The following ATRNL1 variants were observed in gnomAD, a reference collection of about 807,000 sequenced individuals.
The protein encoded by ATRNL1 is attractin like 1, also known as attractin-like protein 1.
ATRNL1 carries 95 observed loss-of-function variants against 182.7 expected under a neutral mutation model. That is an observed-to-expected ratio of 0.52 (90% CI 0.44 to 0.62). The LOEUF (loss-of-function observed/expected upper bound fraction) is 0.62, where lower values mean the gene tolerates loss of function less well. Among genes scored for constraint, ATRNL1 ranks in the 20% least tolerant of loss-of-function variants. ATRNL1 has a pLI of 0.00. For missense variants in ATRNL1, 1,471 were observed against 1,679.5 expected, an observed-to-expected ratio of 0.88 and a Z score of 2.17; for synonymous variants, 576 against 568.3, an observed-to-expected ratio of 1.01 and a Z score of -0.19.
intron 26 of ATRNL1, among the ~76,000 whole-genome samples, chr10:115,685,929 T>G (rs1474283223): frequency 1.3e-5 from 2 of 151,718 alleles, no homozygotes; most frequent in Non-Finnish European, 3.0e-5. Context: ...AATAGTTCTA[T>G]TTCAAATAAA....
intron 27 of ATRNL1, among the ~76,000 whole-genome samples, chr10:115,817,393 C>A (rs1950189502): frequency 6.6e-6 from 1 of 152,012 alleles, no homozygotes; most frequent in East Asian, 1.9e-4. Flanking sequence ...AGTTCTAGCA[C>A]CTGAAAGACC....
At chr10:115,183,524 ATT>A (rs1225432866) in intron 8 of ATRNL1, among the ~76,000 whole-genome samples, 2 of 151,626 alleles carry the variant, frequency 1.3e-5, no homozygotes, top group African/African-American at 4.8e-5. Flanking sequence ...GAGAAATAAT[ATT>A]GATAGGATAT....
intron 13 of ATRNL1, among the ~76,000 whole-genome samples, chr10:115,279,062 T>C (rs1852234247): frequency 6.6e-6 from 1 of 151,032 alleles, no homozygotes. Context: ...ATTAGCCGGG[T>C]GTGGTGGTGG....
At chr10:115,643,339 A>G (rs1183273788) in intron 26 of ATRNL1, among the ~76,000 whole-genome samples, 1 of 152,172 alleles carries the variant, frequency 6.6e-6, no homozygotes. Context: ...CTCAAAATTG[A>G]TTATAAACCT....
chr10:115,238,668 G>A (rs550414641), intron 9 of ATRNL1, among the ~76,000 whole-genome samples: 13 of 152,030 alleles, frequency 8.6e-5, no homozygotes, highest in African/African-American at 2.9e-4. Flanking sequence ...GATTTACTTC[G>A]TAGACAGTCA....
chr10:115,442,297 C>CTCTCTCTCTCTT (rs1385253722), intron 21 of ATRNL1, among the ~76,000 whole-genome samples: 79 of 134,084 alleles, frequency 5.9e-4, no homozygotes, highest in African/African-American at 1.9e-3. Context: ...CTCTCTCTCT[C>CTCTCTCTCTCTT]TCTCTCTGTG....
intron 28 of ATRNL1, among the ~76,000 whole-genome samples, chr10:115,873,236 T>C (rs782075343): frequency 3.9e-5 from 6 of 152,112 alleles, no homozygotes; most frequent in Non-Finnish European, 7.4e-5. Context: ...GATGCCACAG[T>C]GAAAGAAAAA....
chr10:115,676,563 T>C (rs183969257), intron 26 of ATRNL1, among the ~76,000 whole-genome samples: 16 of 152,046 alleles, frequency 1.1e-4, no homozygotes, highest in Admixed American at 3.9e-4. Context: ...ATCTGTATTA[T>C]CTACAACTGT....
At chr10:115,120,303 T>C (rs781888398) in intron 2 of ATRNL1, 35 bp downstream of exon 2, 82 of 1,092,040 alleles carry the variant, frequency 7.5e-5, no homozygotes, top group Non-Finnish European at 1.1e-4. Flanking sequence ...TAATGTATTT[T>C]ATTCTTAAAT....
chr10:115,401,717 G>A (rs535563214), intron 20 of ATRNL1, among the ~76,000 whole-genome samples: 2 of 152,158 alleles, frequency 1.3e-5, no homozygotes, highest in African/African-American at 4.8e-5. Flanking sequence ...TAGGAAACGG[G>A]ACATATTTGA....
At chr10:115,528,792 T>C (rs11197267) in intron 25 of ATRNL1, among the ~76,000 whole-genome samples, 91,886 of 151,840 alleles carry the variant, frequency 0.61, 29,339 homozygotes, top group Non-Finnish European at 0.73. Flanking sequence ...TGCTTTACAG[T>C]GTTCCATGAG....
intron 27 of ATRNL1, among the ~76,000 whole-genome samples, chr10:115,770,766 TA>T (rs1948969500): frequency 6.6e-6 from 1 of 152,168 alleles, no homozygotes; most frequent in Non-Finnish European, 1.5e-5. Flanking sequence ...TAAGTTAGAA[TA>T]AAACCTTAAT....
intron 25 of ATRNL1, among the ~76,000 whole-genome samples, chr10:115,532,391 A>G (rs1374416846): frequency 6.6e-6 from 1 of 152,120 alleles, no homozygotes; most frequent in African/African-American, 2.4e-5. Context: ...CTTTGAAGTA[A>G]TTGTGAATGG....
At chr10:115,892,470 A>G (rs1218338066) in intron 28 of ATRNL1, among the ~76,000 whole-genome samples, 1 of 152,230 alleles carries the variant, frequency 6.6e-6, no homozygotes, top group Non-Finnish European at 1.5e-5. Context: ...AAACTTTTAT[A>G]TGATACACCA....
At chr10:115,393,018 A>G (rs1554954699) in intron 19 of ATRNL1, among the ~76,000 whole-genome samples, 1 of 152,120 alleles carries the variant, frequency 6.6e-6, no homozygotes, top group African/African-American at 2.4e-5. Context: ...CCTAGATTTT[A>G]AGGGGACCCA....
chr10:115,303,143 A>G (rs1554925126), intron 17 of ATRNL1, among the ~76,000 whole-genome samples: 2 of 146,716 alleles, frequency 1.4e-5, no homozygotes, highest in South Asian at 2.1e-4. Context: ...TGAATAATAT[A>G]CTTTTCAGGG....
chr10:115,736,722 G>C (rs544670747), intron 27 of ATRNL1, among the ~76,000 whole-genome samples: 1 of 151,900 alleles, frequency 6.6e-6, no homozygotes, highest in Non-Finnish European at 1.5e-5. Flanking sequence ...CTTCTTCCAG[G>C]GTCTCTGGAA....
intron 28 of ATRNL1, among the ~76,000 whole-genome samples, chr10:115,882,956 C>A (rs931601144): frequency 7.9e-5 from 12 of 152,190 alleles, no homozygotes; most frequent in Non-Finnish European, 4.4e-5. Context: ...CTGGCTCTAG[C>A]CATCCTTGCC....
At chr10:115,613,466 G>A (rs978871571) in intron 26 of ATRNL1, among the ~76,000 whole-genome samples, 2 of 152,064 alleles carry the variant, frequency 1.3e-5, no homozygotes, top group South Asian at 4.2e-4. Flanking sequence ...TATTCATCAG[G>A]GGTTTTTGCC....
Sources: allele counts gnomAD v4.1 joint callset (sites outside exome capture counted in the v4.1 genomes callset), GRCh38; gene constraint gnomAD v4.1.1; transcripts MANE v1.5; gene names NCBI Gene and HGNC (gene_info 2026-07-23, HGNC 2026-07-21).